Variants in AGBL1 observed in about 807,000 individuals in gnomAD.
The protein encoded by AGBL1 is cytosolic carboxypeptidase 4.
In AGBL1, 130 loss-of-function variants were observed where a neutral mutation model predicts 118.9. The observed-to-expected ratio is 1.09, with a 90% CI of 0.95 to 1.26. The LOEUF (loss-of-function observed/expected upper bound fraction) is 1.26, where lower values mean the gene tolerates loss of function less well. AGBL1 is among the 50% of genes most tolerant of loss of function. The pLI is 0.00. For missense variants in AGBL1, 1,584 were observed against 1,298.1 expected (o/e 1.22, Z -3.38); for synonymous variants, 555 against 478.9 (o/e 1.16, Z -2.08).
intron 24 of AGBL1, among the ~76,000 whole-genome samples, chr15:87,010,144 C>T (rs1268723744): frequency 6.6e-6 from 1 of 152,054 alleles, no homozygotes; most frequent in African/African-American, 2.4e-5. Flanking sequence ...TCATGAATTC[C>T]TATGTGTTGT....
chr15:86,934,463 C>T (rs2080642410), intron 23 of AGBL1, among the ~76,000 whole-genome samples: 1 of 151,902 alleles, frequency 6.6e-6, no homozygotes, highest in African/African-American at 2.4e-5. Flanking sequence ...ATAAACAAGC[C>T]AGTATGTTCT....
intron 22 of AGBL1, among the ~76,000 whole-genome samples, chr15:86,687,552 A>G (rs751285816): frequency 2.1e-4 from 32 of 152,142 alleles, no homozygotes; most frequent in Admixed American, 2.0e-4. Context: ...GCTGAATACT[A>G]TGTAATATTT....
intron 22 of AGBL1, among the ~76,000 whole-genome samples, chr15:86,836,129 G>C (rs1226147935): frequency 2.0e-5 from 3 of 152,134 alleles, no homozygotes; most frequent in African/African-American, 7.2e-5. Context: ...CAGCTAAACA[G>C]AGATTGCCTG....
At chr15:86,988,330 T>A in intron 24 of AGBL1, 1 of 345,682 alleles carries the variant, frequency 2.9e-6, no homozygotes, top group East Asian at 5.4e-5. Context: ...TAGAACTCAG[T>A]ACTTACTATC....
At chr15:86,760,701 G>A (rs1265090274) in intron 22 of AGBL1, among the ~76,000 whole-genome samples, 1 of 151,990 alleles carries the variant, frequency 6.6e-6, no homozygotes, top group Non-Finnish European at 1.5e-5. Context: ...CTTTCCTTTG[G>A]CAGTGTGAAA....
intron 17 of AGBL1, among the ~76,000 whole-genome samples, chr15:86,387,539 G>A (rs187331737): frequency 6.6e-6 from 1 of 152,292 alleles, no homozygotes; most frequent in East Asian, 1.9e-4. Flanking sequence ...ATGTTTGAGA[G>A]AGAAGGAAAG....
intron 21 of AGBL1, among the ~76,000 whole-genome samples, chr15:86,637,132 T>C (rs960438104): frequency 1.3e-5 from 2 of 152,068 alleles, no homozygotes; most frequent in Admixed American, 1.3e-4. Flanking sequence ...GTACCTGCCC[T>C]CATAGAGTTT....
rs1203771589 is a variant in AGBL1, at chr15:86,670,097, A to G, written c.2995-4176A>G. Reference sequence around the variant, plus strand: ...ATGGTTTTATTTCCCTCAAATTTGGATTATTATATATAATACTGTCATAAT... The same window carrying G: ...ATGGTTTTATTTCCCTCAAATTTGGGTTATTATATATAATACTGTCATAAT... On this transcript the variant is annotated intron_variant, in intron 21 of 22. Coordinates refer to ENST00000614907, the MANE Select transcript of AGBL1 (RefSeq NM_001386094.1). 5.3e-5 allele frequency among the ~76,000 whole-genome samples: 8 copies of G among 152,130 alleles called. No individual in the cohort carries two copies. In the East Asian group the frequency reaches 1.5e-3, roughly 29 times the overall value.
At chr15:86,281,725 C>A (rs2079358217) in intron 16 of AGBL1, among the ~76,000 whole-genome samples, 1 of 152,122 alleles carries the variant, frequency 6.6e-6, no homozygotes, top group Non-Finnish European at 1.5e-5. Flanking sequence ...TCTTTCTACT[C>A]CCCTGTAGAA....
chr15:86,692,205 C>A lies in AGBL1; in HGVS notation c.3158+17769C>A, dbSNP rs181292695. ...AAACAAAAAACAAAAAACAAAAAAACCAAAAAAGCTGACCTCCTTTGAGTG... is the reference window on the plus strand; with the variant it reads ...AAACAAAAAACAAAAAACAAAAAAAACAAAAAAGCTGACCTCCTTTGAGTG... On this transcript the variant is annotated intron_variant, in intron 22 of 22. Coordinates refer to ENST00000614907, the MANE Select transcript of AGBL1 (RefSeq NM_001386094.1). 5.7e-3 allele frequency among the ~76,000 whole-genome samples: 860 copies of A among 151,804 alleles called. 4 individuals are homozygous for A. The highest frequency in any genetic ancestry group is 0.017 in the African/African-American group (691 of 41,394).
In AGBL1 at chr15:86,906,916, C is replaced by G. The variant is rs938110366; in HGVS notation, c.3159-171C>G. 7.9e-5 allele frequency among the ~76,000 whole-genome samples: 12 copies of G among 152,144 alleles called. No individual in the cohort carries two copies. In the East Asian group the frequency reaches 2.1e-3, roughly 27 times the overall value. On this transcript the variant is annotated intron_variant, in intron 22 of 22. Coordinates refer to ENST00000614907, the MANE Select transcript of AGBL1 (RefSeq NM_001386094.1). ...AAACTCAAAGCAGGAAACTTCCACT[C>G]TCCTCTTCCAACCAATTGAATGTGT...
At chr15:86,770,898 G>A (rs543047171) in intron 22 of AGBL1, among the ~76,000 whole-genome samples, 1 of 152,136 alleles carries the variant, frequency 6.6e-6, no homozygotes, top group East Asian at 1.9e-4. Flanking sequence ...TCAAACCTGG[G>A]CACACAGCTA....
intron 7 of AGBL1, among the ~76,000 whole-genome samples, chr15:86,253,104 T>A (rs1338962756): frequency 6.6e-6 from 1 of 151,174 alleles, no homozygotes; most frequent in African/African-American, 2.4e-5. Context: ...GAGTGGGAGG[T>A]GGGTGAGCTT....
intron 22 of AGBL1, among the ~76,000 whole-genome samples, chr15:86,698,994 C>G (rs971302524): frequency 6.6e-6 from 1 of 151,954 alleles, no homozygotes; most frequent in Non-Finnish European, 1.5e-5. Flanking sequence ...CATTAAAAGT[C>G]TCTATAACTT....
At chr15:86,942,841 C>A (rs2080771309) in intron 23 of AGBL1, among the ~76,000 whole-genome samples, 1 of 152,162 alleles carries the variant, frequency 6.6e-6, no homozygotes, top group Admixed American at 6.5e-5. Flanking sequence ...TCTTGTCTTT[C>A]TTGTAATACC....
chr15:86,773,043 T>C (rs1346071391), intron 22 of AGBL1, among the ~76,000 whole-genome samples: 2 of 152,066 alleles, frequency 1.3e-5, no homozygotes, highest in Admixed American at 1.3e-4. Flanking sequence ...TAGATTTACC[T>C]GGATTTTTCG....
intron 5 of AGBL1, among the ~76,000 whole-genome samples, chr15:86,212,295 A>G (rs1239385503): frequency 6.6e-6 from 1 of 152,226 alleles, no homozygotes; most frequent in Non-Finnish European, 1.5e-5. Context: ...TTTCCATGTT[A>G]CCGTAAACAA....
At chr15:86,927,539 A>T (rs1758449938) in intron 23 of AGBL1, among the ~76,000 whole-genome samples, 1 of 152,314 alleles carries the variant, frequency 6.6e-6, no homozygotes, top group Admixed American at 6.5e-5. Flanking sequence ...GTGAGCTATG[A>T]TCATACTACT....
intron 22 of AGBL1, among the ~76,000 whole-genome samples, chr15:86,842,922 T>C (rs1480253525): frequency 6.6e-6 from 1 of 152,038 alleles, no homozygotes; most frequent in East Asian, 1.9e-4. Context: ...TCCTTAATGA[T>C]CTCATTAGAC....
Sources: gnomAD v4.1 joint callset for allele counts (sites outside exome capture counted in the v4.1 genomes callset) on GRCh38, gnomAD v4.1.1 for gene constraint, MANE v1.5 for transcripts, NCBI Gene and HGNC (gene_info 2026-07-23, HGNC 2026-07-21) for gene names.